COL5A2: variants seen among roughly 807,000 people sequenced by gnomAD.
COL5A2 encodes collagen alpha-2(V) chain.
In COL5A2, 23 loss-of-function variants were observed where a neutral mutation model predicts 208.2. The ratio of observed to expected loss-of-function variants is 0.11; its 90% CI spans 0.08 to 0.16. COL5A2 has a LOEUF of 0.16. Among genes scored for constraint, COL5A2 ranks in the 10% least tolerant of loss-of-function variants. The pLI is 1.00. For missense variants in COL5A2, 1,590 were observed against 1,956.4 expected, an observed-to-expected ratio of 0.81 and a Z score of 3.53; for synonymous variants, 625 against 628.5, an observed-to-expected ratio of 0.99 and a Z score of 0.08.
chr2:189,241,808 T>C, the COL5A2 span, among the ~76,000 whole-genome samples: 4 of 152,188 alleles, frequency 2.6e-5, no homozygotes, highest in African/African-American at 7.2e-5. Context: ...ATTTTAAAGA[T>C]TATTGACCAT....
At chr2:189,394,004 T>C in the COL5A2 span, among the ~76,000 whole-genome samples, 3 of 152,154 alleles carry the variant, frequency 2.0e-5, no homozygotes, top group Non-Finnish European at 4.4e-5. Flanking sequence ...TTTCTTCCAT[T>C]CAACTTTATT....
the COL5A2 span, among the ~76,000 whole-genome samples, chr2:189,348,990 G>GA: frequency 6.6e-6 from 1 of 152,024 alleles, no homozygotes; most frequent in Non-Finnish European, 1.5e-5. Flanking sequence ...CCAAGCCTCA[G>GA]AAAAATTAAA....
chr2:189,383,842 C>T, the COL5A2 span, among the ~76,000 whole-genome samples: 1 of 151,974 alleles, frequency 6.6e-6, no homozygotes, highest in Non-Finnish European at 1.5e-5. Flanking sequence ...CACTACCAAA[C>T]ACTATAACCT....
the COL5A2 span, among the ~76,000 whole-genome samples, chr2:189,320,819 C>G: frequency 3.3e-5 from 5 of 152,146 alleles, no homozygotes; most frequent in Non-Finnish European, 7.3e-5. Flanking sequence ...CAGAGAACGC[C>G]ACAAAGATAC....
chr2:189,215,585 AT>A (rs1298016986), intron 1 of COL5A2, among the ~76,000 whole-genome samples: 1 of 152,084 alleles, frequency 6.6e-6, no homozygotes, highest in Non-Finnish European at 1.5e-5. Flanking sequence ...AAAACTTTAA[AT>A]TATATGTGTG....
the COL5A2 span, among the ~76,000 whole-genome samples, chr2:189,357,282 T>C: frequency 6.6e-6 from 1 of 152,162 alleles, no homozygotes; most frequent in Non-Finnish European, 1.5e-5. Flanking sequence ...ATCCACTGCT[T>C]TCTTCAGAGC....
chr2:189,345,747 T>TTG, the COL5A2 span, among the ~76,000 whole-genome samples: 1 of 152,102 alleles, frequency 6.6e-6, no homozygotes, highest in Admixed American at 6.6e-5. Context: ...AAGAACCAGA[T>TTG]TGTAGAGGTT....
rs566726376 is a variant in COL5A2 at position 189,050,450 on chromosome 2, A to G, written c.3039+119T>C. The G allele has an allele frequency of 3.6e-6, 3 of 824,670 alleles. No individual in the cohort carries two copies. The East Asian group carries it at 8.1e-5, about 22-fold the overall frequency. 51.1% of individuals were successfully genotyped at this position (824,670 alleles called of 1,614,324 possible). On this transcript the variant is annotated intron_variant, in intron 43 of 53. Coordinates refer to ENST00000374866, the MANE Select transcript of COL5A2 (RefSeq NM_000393.5). ...TCAAAAGATTTTTAAGAGACTCAAA[A>G]ATTAATGTCCCTACAATACTGTTTA...
At chr2:189,172,459 C>G (rs929174404) in intron 1 of COL5A2, among the ~76,000 whole-genome samples, 1 of 152,178 alleles carries the variant, frequency 6.6e-6, no homozygotes, top group African/African-American at 2.4e-5. Flanking sequence ...TTTAAGTACT[C>G]TAAAATTACT....
the COL5A2 span, among the ~76,000 whole-genome samples, chr2:189,296,196 T>C: frequency 6.6e-6 from 1 of 152,146 alleles, no homozygotes; most frequent in Non-Finnish European, 1.5e-5. Flanking sequence ...ATTTTGCTGC[T>C]GCTTCCAATC....
intron 1 of COL5A2, among the ~76,000 whole-genome samples, chr2:189,164,843 A>G (rs1688436140): frequency 6.6e-6 from 1 of 152,232 alleles, no homozygotes; most frequent in Non-Finnish European, 1.5e-5. Context: ...ATAAGGAAAG[A>G]GAGCTTTATT....
chr2:189,436,152 G>A, the COL5A2 span, among the ~76,000 whole-genome samples: 1 of 152,046 alleles, frequency 6.6e-6, no homozygotes, highest in Non-Finnish European at 1.5e-5. Flanking sequence ...ACAGGAAGGG[G>A]AACATCACAC....
chr2:189,369,958 A>T, the COL5A2 span, among the ~76,000 whole-genome samples: 1 of 152,186 alleles, frequency 6.6e-6, no homozygotes, highest in Non-Finnish European at 1.5e-5. Context: ...CCATAAATTT[A>T]TTGGGCAGGT....
intron 1 of COL5A2, among the ~76,000 whole-genome samples, chr2:189,155,640 T>G (rs1340955737): frequency 6.6e-6 from 1 of 152,224 alleles, no homozygotes; most frequent in Non-Finnish European, 1.5e-5. Context: ...TTTTAATTCC[T>G]TTATGGCACT....
the COL5A2 span, among the ~76,000 whole-genome samples, chr2:189,410,133 T>G: frequency 6.6e-6 from 1 of 152,188 alleles, no homozygotes; most frequent in African/African-American, 2.4e-5. Flanking sequence ...TACTAAAAGC[T>G]AGATAAAATA....
At chr2:189,152,703 G>C (rs968339535) in intron 1 of COL5A2, among the ~76,000 whole-genome samples, 1 of 152,162 alleles carries the variant, frequency 6.6e-6, no homozygotes, top group Non-Finnish European at 1.5e-5. Flanking sequence ...TCTGGCCCAG[G>C]ACCAGGCCTA....
At position 189,034,121 on chromosome 2, in the gene COL5A2, G is replaced by A. The variant is rs78905646; in HGVS notation, c.4449C>T (p.Gly1483=). 0.021 allele frequency: 34,158 copies of A among 1,613,862 alleles called. 441 individuals are homozygous for A. Among genetic ancestry groups the A allele is most frequent in the Non-Finnish European group, 0.023 (27,501 of 1,179,902 alleles). The change falls in exon 54 of 54, where the codon GGC becomes GGT. Residue 1483 remains glycine (G), a synonymous_variant. Coordinates refer to ENST00000374866, the MANE Select transcript of COL5A2 (RefSeq NM_000393.5). ...CAACGCCGAATTCCTGGTCTGTGCC[G>A]CCAACATCCACAGGAGCAAGATCTA... The part of the protein sequence containing the change: ...PIIDLAPVDV[G]GTDQEFGVEI...
chr2:189,259,208 A>G, the COL5A2 span, among the ~76,000 whole-genome samples: 1 of 152,190 alleles, frequency 6.6e-6, no homozygotes, highest in Non-Finnish European at 1.5e-5. Context: ...GCACTAGGAG[A>G]CAATTATGCA....
chr2:189,370,555 C>G, the COL5A2 span, among the ~76,000 whole-genome samples: 14 of 152,186 alleles, frequency 9.2e-5, 1 homozygote, highest in South Asian at 2.9e-3. Flanking sequence ...CACACACAAT[C>G]ACACTCAACA....
Sources: gnomAD v4.1 joint callset for allele counts (sites outside exome capture counted in the v4.1 genomes callset) on GRCh38, gnomAD v4.1.1 for gene constraint, MANE v1.5 for transcripts, NCBI Gene and HGNC (gene_info 2026-07-23, HGNC 2026-07-21) for gene names.